ZC3H13: variants seen among roughly 807,000 people sequenced by gnomAD.
The protein encoded by ZC3H13 is zinc finger CCCH-type containing 13, also known as zinc finger CCCH domain-containing protein 13.
ZC3H13 carries 64 observed loss-of-function variants against 204.1 expected under a neutral mutation model. The ratio of observed to expected loss-of-function variants is 0.31; its 90% CI spans 0.26 to 0.39. The LOEUF (loss-of-function observed/expected upper bound fraction) is 0.39, where lower values mean the gene tolerates loss of function less well. Ranked by LOEUF, ZC3H13 falls within the 10% of genes least tolerant of loss-of-function variation. The pLI, the probability that ZC3H13 is intolerant of heterozygous loss-of-function variation, is 1.00. For synonymous variants in ZC3H13, 667 were observed against 693.7 expected (o/e 0.96, Z 0.60); for missense variants, 1,833 against 2,082.7 (o/e 0.88, Z 2.33).
In ZC3H13 at chr13:45,959,486, C is replaced by T; in HGVS notation, c.4836G>A (p.Glu1612=). The change falls in exon 18 of 19, where the codon GAG becomes GAA. Residue 1612 remains glutamate, a synonymous_variant. Coordinates refer to ENST00000679008, the MANE Select transcript of ZC3H13 (RefSeq NM_001330564.2). The part of the protein sequence containing the change: ...SAIRKQLVKN[E]KGTIKQAYTS... Reference sequence around the variant, plus strand: ...TTTTCCAAGGAAATAACAGTACCTTCTCATTTTTAACAAGCTGCTTTCGAA... The same window carrying T: ...TTTTCCAAGGAAATAACAGTACCTTTTCATTTTTAACAAGCTGCTTTCGAA... The T allele has an allele frequency of 6.5e-7, 1 of 1,540,568 alleles. No homozygotes were observed. Among genetic ancestry groups the T allele is most frequent in the Non-Finnish European group, 8.7e-7 (1 of 1,143,226 alleles).
At chr13:45,962,998 C>A in intron 17 of ZC3H13, 2 of 985,346 alleles carry the variant, frequency 2.0e-6, no homozygotes, top group Non-Finnish European at 2.4e-6. Context: ...GCAGTGAGGT[C>A]AAAAATCAGC....
At chr13:45,996,403 A>G (rs1424295499) in intron 8 of ZC3H13, among the ~76,000 whole-genome samples, 1 of 152,234 alleles carries the variant, frequency 6.6e-6, no homozygotes, top group Non-Finnish European at 1.5e-5. Context: ...AAAAAAAATT[A>G]GTTTGTTGGG....
intron 17 of ZC3H13, among the ~76,000 whole-genome samples, chr13:45,960,269 T>G (rs1194704162): frequency 1.3e-5 from 2 of 152,160 alleles, no homozygotes; most frequent in African/African-American, 4.8e-5. Context: ...AGGGAATTTA[T>G]TTAAAGAACG....
Position 45,969,955 on chromosome 13 carries a change from G to A in ZC3H13, c.2589C>T (p.Leu863=). ...CTTGAGGTCGTACAACTTGGCTCAA[G>A]AGTCTGTGTTTTTCATCTATATAAA... ...SGDDKNEKHR[L]LSQVVRPQES... The change falls in exon 14 of 19, where the codon CTC becomes CTT. Residue 863 remains leucine, a synonymous_variant. Coordinates refer to ENST00000679008, the MANE Select transcript of ZC3H13 (RefSeq NM_001330564.2). 2 of 1,608,286 alleles carry A rather than the reference G, an allele frequency of 1.2e-6. No homozygotes were observed. Among genetic ancestry groups the A allele is most frequent in the Non-Finnish European group, 8.5e-7 (1 of 1,178,588 alleles).
chr13:45,970,993 A>G (rs1167395181), intron 12 of ZC3H13, among the ~76,000 whole-genome samples: 1 of 152,068 alleles, frequency 6.6e-6, no homozygotes, highest in Non-Finnish European at 1.5e-5. Context: ...GTGGGGCTGA[A>G]TGGGTGGGAA....
intron 14 of ZC3H13, 84 bp downstream of exon 14, chr13:45,968,664 A>G: frequency 6.8e-7 from 1 of 1,479,764 alleles, no homozygotes; most frequent in Non-Finnish European, 9.0e-7. Flanking sequence ...AAAGTAACCA[A>G]TTTAGCATTA....
chr13:46,014,684 A>G (rs906509188), intron 5 of ZC3H13, among the ~76,000 whole-genome samples: 4 of 152,196 alleles, frequency 2.6e-5, no homozygotes, highest in Non-Finnish European at 5.9e-5. Context: ...TCTCATTGCT[A>G]AAGTCTTAAA....
Position 45,955,484 on chromosome 13 carries a change from A to C in ZC3H13, c.*1643T>G, listed in dbSNP as rs1951230762. 6.6e-6 allele frequency: 1 copy of C among 152,208 alleles called. No homozygotes were observed. The highest frequency in any genetic ancestry group is 1.5e-5 in the Non-Finnish European group (1 of 68,010). The allele number at this position is 152,208 out of a possible 1,614,324, so 9.4% of individuals were successfully genotyped here. A position where few individuals can be genotyped will look rare whatever the true frequency, so the allele number is the denominator to read the frequency against. The stretch of plus-strand genomic sequence containing the variant: ...CTACATAGTTTTCATTCTATAAATA[A>C]ATAACTTGTGAAATATCCCTGAAGT... On this transcript the variant is annotated 3_prime_UTR_variant, in exon 19 of 19. Transcript: ENST00000679008.
At chr13:46,051,020 G>A (rs1403153027) in intron 1 of ZC3H13, among the ~76,000 whole-genome samples, 1 of 152,166 alleles carries the variant, frequency 6.6e-6, no homozygotes, top group African/African-American at 2.4e-5. Flanking sequence ...AGATGAGGAG[G>A]TGAGGAAGAC....
At position 45,989,043 on chromosome 13, in the gene ZC3H13, T is replaced by C; in HGVS notation, c.999A>G (p.Ser333=). 6.2e-7 allele frequency: 1 copy of C among 1,614,158 alleles called. No homozygotes were observed. The highest frequency in any genetic ancestry group is 8.5e-7 in the Non-Finnish European group (1 of 1,180,026). Residue 333 remains serine, a synonymous_variant, in exon 9 of 19, where the codon TCA becomes TCG. Transcript: ENST00000679008. ...HHSPISSRHH[S]SSSQSGSSIQ... is the part of the protein sequence containing the mutation. ...TAGATGATCCTGATTGTGAGGAAGATGAGTGATGTCTAGAAGATATAGGAG... is the reference window on the plus strand; with the variant it reads ...TAGATGATCCTGATTGTGAGGAAGACGAGTGATGTCTAGAAGATATAGGAG...
At position 46,020,535 on chromosome 13, in the gene ZC3H13, T is replaced by C. The variant is rs769088530; in HGVS notation, c.362A>G (p.His121Arg). ...GATTTTTATGTCTTCCTTTTCCCTA[T>C]GTCTCCCTCTTGAAGATTCTTTCTA... ...PVRKESSRGRHREKEDIKITK... is the reference protein window; with the variant it reads ...PVRKESSRGRRREKEDIKITK... The change falls in exon 5 of 19, where the codon CAT becomes CGT. Residue 121 changes from histidine to arginine, a missense_variant. Around this residue, in one of 5 missense-constraint regions of ZC3H13, gnomAD observed 1,574 missense variants for 1,757.2 expected, o/e 0.90. Coordinates refer to ENST00000679008, the MANE Select transcript of ZC3H13 (RefSeq NM_001330564.2). The C allele has an allele frequency of 7.5e-6, 12 of 1,609,534 alleles. No homozygotes were observed. The Middle Eastern group carries it at 6.6e-4, about 89-fold the overall frequency.
At position 46,052,552 on chromosome 13, in the gene ZC3H13, C is replaced by G. The variant is rs2044557972; in HGVS notation, c.-158G>C. 2.5e-6 allele frequency: 1 copy of G among 398,594 alleles called. No individual in the cohort carries two copies. Among genetic ancestry groups the G allele is most frequent in the African/African-American group, 2.1e-5 (1 of 48,616 alleles). The allele number at this position is 398,594 out of a possible 1,614,324, so 24.7% of individuals were successfully genotyped here. ...CGATGCGCGCGCGGCTCCCGGGAACCGGCTCTTGGCTAGCGAGGAGCCCCC... is the reference window on the plus strand; with the variant it reads ...CGATGCGCGCGCGGCTCCCGGGAACGGGCTCTTGGCTAGCGAGGAGCCCCC... On this transcript the variant is annotated 5_prime_UTR_variant, in exon 1 of 19. Coordinates refer to ENST00000679008, the MANE Select transcript of ZC3H13 (RefSeq NM_001330564.2).
At chr13:46,025,053 T>C (rs992628823) in intron 4 of ZC3H13, among the ~76,000 whole-genome samples, 1 of 152,198 alleles carries the variant, frequency 6.6e-6, no homozygotes, top group Non-Finnish European at 1.5e-5. Flanking sequence ...ATACAAAAAT[T>C]ATCTCAGAAC....
At chr13:46,010,271 T>G in intron 7 of ZC3H13, 77 bp downstream of exon 7, 1 of 1,398,894 alleles carries the variant, frequency 7.1e-7, no homozygotes, top group South Asian at 1.7e-5. Context: ...AAAAGTACCC[T>G]TTTATAACCT....
At chr13:45,994,494 T>C (rs1291133486) in intron 8 of ZC3H13, among the ~76,000 whole-genome samples, 1 of 152,252 alleles carries the variant, frequency 6.6e-6, no homozygotes, top group Non-Finnish European at 1.5e-5. Context: ...TAACAACTAA[T>C]ACTTTTATGA....
intron 4 of ZC3H13, among the ~76,000 whole-genome samples, chr13:46,022,765 T>C (rs2042296219): frequency 6.6e-6 from 1 of 151,838 alleles, no homozygotes; most frequent in Non-Finnish European, 1.5e-5. Flanking sequence ...GTACTACTGT[T>C]CCAGTGGAGT....
chr13:46,003,704 AAG>A (rs987273487), intron 7 of ZC3H13, among the ~76,000 whole-genome samples: 2 of 152,190 alleles, frequency 1.3e-5, no homozygotes, highest in African/African-American at 2.4e-5. Flanking sequence ...CTACTACTCA[AAG>A]AGAACTATTT....
At position 46,010,474 on chromosome 13, in the gene ZC3H13, G is replaced by A. The variant is rs1427317639; in HGVS notation, c.620C>T (p.Ser207Phe). 6.2e-7 allele frequency: 1 copy of A among 1,613,400 alleles called. No homozygotes were observed. The highest frequency in any genetic ancestry group is 8.5e-7 in the Non-Finnish European group (1 of 1,179,608). Reference sequence around the variant, plus strand: ...AGACTTTCTTAGAGAAGGTGACGGGGACAATTTTGATCTAACCACTTCTGG... The same window carrying A: ...AGACTTTCTTAGAGAAGGTGACGGGAACAATTTTGATCTAACCACTTCTGG... ...VSPEVVRSKL[S>F]PSPSLRKSSK... Residue 207 changes from serine to phenylalanine, a missense_variant, in exon 7 of 19, where the codon TCC (serine) becomes TTC (phenylalanine). Ser to Phe is a radical substitution (Grantham distance 155). This residue lies in a region of ZC3H13 where 1,574 missense variants were observed against 1,757.2 expected (regional missense o/e 0.90). Coordinates refer to ENST00000679008, the MANE Select transcript of ZC3H13 (RefSeq NM_001330564.2).
intron 5 of ZC3H13, among the ~76,000 whole-genome samples, chr13:46,014,236 T>C (rs1245497480): frequency 2.0e-5 from 3 of 152,168 alleles, no homozygotes; most frequent in African/African-American, 7.2e-5. Context: ...AACATAGGTA[T>C]ACATGTGCCA....
Sources: allele counts gnomAD v4.1 joint callset (sites outside exome capture counted in the v4.1 genomes callset), GRCh38; gene constraint gnomAD v4.1.1; regional missense constraint gnomAD v4.1.1; transcripts MANE v1.5; gene names NCBI Gene and HGNC (gene_info 2026-07-23, HGNC 2026-07-21).